The following KCNAB1 variants were observed in gnomAD, a reference collection of about 807,000 sequenced individuals.
The protein encoded by KCNAB1 is voltage-gated potassium channel subunit beta-1.
A neutral mutation model predicts 64.6 loss-of-function variants in KCNAB1; 35 were observed. That is an observed-to-expected ratio of 0.54 (90% CI 0.41 to 0.72). The LOEUF is 0.72. Ranked by LOEUF, KCNAB1 falls within the 30% of genes least tolerant of loss-of-function variation. The pLI, the probability that KCNAB1 is intolerant of heterozygous loss-of-function variation, is 0.00. For missense variants in KCNAB1, 401 were observed against 512.9 expected (o/e 0.78, Z 2.11); for synonymous variants, 177 against 183.8 (o/e 0.96, Z 0.30).
rs1410991510 is a variant in KCNAB1, at chr3:156,452,969, A to C, written c.357+33A>C. On this transcript the variant is annotated intron_variant, in intron 3 of 13. Coordinates refer to ENST00000490337, the MANE Select transcript of KCNAB1 (RefSeq NM_172160.3). The surrounding 1 kb of genome is among the most constrained non-coding windows in gnomAD (Gnocchi z 4.6). The stretch of plus-strand genomic sequence containing the variant: ...ACCTTTGGCCTCTATTATGCTAATG[A>C]AAGAAAATGCAGAGAGAGCTGTATT... The C allele has an allele frequency of 6.6e-7, 1 of 1,521,422 alleles. No individual in the cohort carries two copies. Among genetic ancestry groups the C allele is most frequent in the African/African-American group, 1.4e-5 (1 of 72,868 alleles). 94.2% of individuals were successfully genotyped at this position (1,521,422 alleles called of 1,614,324 possible).
At chr3:156,252,229 A>G (rs563979382) in intron 1 of KCNAB1, among the ~76,000 whole-genome samples, 2 of 152,258 alleles carry the variant, frequency 1.3e-5, no homozygotes, top group Admixed American at 1.3e-4. Context: ...AACAGCACAC[A>G]TGTGAATCTG....
At chr3:156,426,342 T>C (rs200843064) in intron 2 of KCNAB1, among the ~76,000 whole-genome samples, 2 of 152,172 alleles carry the variant, frequency 1.3e-5, no homozygotes, top group East Asian at 3.8e-4. Flanking sequence ...AGTTTTAAGT[T>C]CACTACAAAA....
chr3:156,473,831 A>G (rs1714131907), intron 7 of KCNAB1, among the ~76,000 whole-genome samples: 1 of 152,202 alleles, frequency 6.6e-6, no homozygotes, highest in African/African-American at 2.4e-5. Context: ...AGAGGCTGAT[A>G]AGAGAATGCT....
At chr3:156,354,462 A>G (rs1725097803) in intron 1 of KCNAB1, among the ~76,000 whole-genome samples, 1 of 151,968 alleles carries the variant, frequency 6.6e-6, no homozygotes, top group Non-Finnish European at 1.5e-5. Flanking sequence ...TGCCCAGCCC[A>G]TAATATCCTT....
At chr3:156,237,801 T>C (rs1716934447) in intron 1 of KCNAB1, among the ~76,000 whole-genome samples, 1 of 152,206 alleles carries the variant, frequency 6.6e-6, no homozygotes, top group South Asian at 2.1e-4. Context: ...TGATCTTCTT[T>C]TTTACCTCCG....
At chr3:156,172,577 G>A (rs895540957) in intron 1 of KCNAB1, among the ~76,000 whole-genome samples, 3 of 152,168 alleles carry the variant, frequency 2.0e-5, no homozygotes, top group African/African-American at 7.2e-5. Context: ...ACCACATGCG[G>A]CTATCAAACG....
At chr3:156,150,732 ATT>A (rs1364658582) in intron 1 of KCNAB1, among the ~76,000 whole-genome samples, 7 of 152,216 alleles carry the variant, frequency 4.6e-5, no homozygotes, top group African/African-American at 1.2e-4. Context: ...AGAAAACTTT[ATT>A]CAGACAGTCC....
intron 1 of KCNAB1, among the ~76,000 whole-genome samples, chr3:156,412,545 C>A (rs553883883): frequency 3.3e-4 from 50 of 152,316 alleles, no homozygotes; most frequent in Non-Finnish European, 6.0e-4. Flanking sequence ...AGTCGCACTT[C>A]CATGGTGCTA....
intron 13 of KCNAB1, among the ~76,000 whole-genome samples, chr3:156,534,687 C>A (rs918594551): frequency 3.9e-5 from 6 of 152,132 alleles, no homozygotes; most frequent in African/African-American, 1.2e-4. Flanking sequence ...AATAGGAACC[C>A]AATCCTGGGA....
intron 1 of KCNAB1, among the ~76,000 whole-genome samples, chr3:156,197,154 A>G (rs1018890002): frequency 6.6e-6 from 1 of 152,218 alleles, no homozygotes; most frequent in Non-Finnish European, 1.5e-5. Context: ...GATGAAGCTG[A>G]CTTGATCGTG....
At chr3:156,454,719 C>T (rs1179861332) in intron 3 of KCNAB1, among the ~76,000 whole-genome samples, 1 of 152,148 alleles carries the variant, frequency 6.6e-6, no homozygotes, top group Non-Finnish European at 1.5e-5. Context: ...GGGAGGCCTA[C>T]AGTTAATAAT....
intron 3 of KCNAB1, among the ~76,000 whole-genome samples, chr3:156,454,890 C>A (rs1351487222): frequency 1.3e-5 from 2 of 152,138 alleles, no homozygotes; most frequent in Non-Finnish European, 2.9e-5. Flanking sequence ...CTGCAATGAG[C>A]CAAGCTTGCC....
chr3:156,221,037 T>C (rs1432895754), intron 1 of KCNAB1, among the ~76,000 whole-genome samples: 1 of 152,124 alleles, frequency 6.6e-6, no homozygotes, highest in African/African-American at 2.4e-5. Flanking sequence ...AGATGTGTGG[T>C]GTTATTTCTG....
intron 2 of KCNAB1, among the ~76,000 whole-genome samples, chr3:156,426,488 C>G (rs1715827505): frequency 6.6e-6 from 1 of 152,166 alleles, no homozygotes; most frequent in South Asian, 2.1e-4. Flanking sequence ...CATTATCAAC[C>G]AAAGTCCATA....
At chr3:156,287,489 A>C (rs1278750350) in intron 1 of KCNAB1, among the ~76,000 whole-genome samples, 1 of 152,158 alleles carries the variant, frequency 6.6e-6, no homozygotes, top group Non-Finnish European at 1.5e-5. Context: ...AAATAATGAC[A>C]ACTATCGTTA....
At chr3:156,474,891 A>G in intron 8 of KCNAB1, 71 bp downstream of exon 8, 3 of 1,151,780 alleles carry the variant, frequency 2.6e-6, no homozygotes, top group Non-Finnish European at 3.9e-6. Context: ...TGCTCACAGC[A>G]GGAAATGAAT....
intron 1 of KCNAB1, among the ~76,000 whole-genome samples, chr3:156,168,765 T>C (rs914860281): frequency 6.6e-6 from 1 of 152,192 alleles, no homozygotes; most frequent in African/African-American, 2.4e-5. Flanking sequence ...GACAGCAGAA[T>C]TACCAAAAAC....
intron 1 of KCNAB1, among the ~76,000 whole-genome samples, chr3:156,187,094 T>A (rs759063236): frequency 1.3e-5 from 2 of 152,184 alleles, no homozygotes; most frequent in Non-Finnish European, 2.9e-5. Flanking sequence ...GCTCAAGCCA[T>A]CCTCCTGCCT....
At chr3:156,493,390 A>C (rs1015104365) in intron 8 of KCNAB1, among the ~76,000 whole-genome samples, 1 of 152,050 alleles carries the variant, frequency 6.6e-6, no homozygotes, top group East Asian at 1.9e-4. Context: ...CTGAAATTAT[A>C]TTATCCTTTT....
Sources: allele counts gnomAD v4.1 joint callset (sites outside exome capture counted in the v4.1 genomes callset), GRCh38; gene constraint gnomAD v4.1.1; non-coding constraint Gnocchi (gnomAD v3.1); transcripts MANE v1.5; gene names NCBI Gene and HGNC (gene_info 2026-07-23, HGNC 2026-07-21).